The following SGCZ variants were observed in gnomAD, a reference collection of about 807,000 sequenced individuals.
SGCZ encodes the protein zeta-sarcoglycan.
In SGCZ, 40 loss-of-function variants were observed where a neutral mutation model predicts 41.3. The ratio of observed to expected loss-of-function variants is 0.97; its 90% CI spans 0.75 to 1.26. The LOEUF (loss-of-function observed/expected upper bound fraction) is 1.26. SGCZ is among the 50% of genes most tolerant of loss of function. SGCZ has a pLI of 0.00. For missense variants in SGCZ, 552 were observed against 369.8 expected (o/e 1.49, Z -4.04); for synonymous variants, 206 against 137.5 (o/e 1.50, Z -3.49).
chr8:14,291,025 T>G (rs1365057690), intron 3 of SGCZ, among the ~76,000 whole-genome samples: 1 of 152,116 alleles, frequency 6.6e-6, no homozygotes, highest in African/African-American at 2.4e-5. Flanking sequence ...AATGAAATCC[T>G]GTTGTTTGCA....
chr8:15,150,500 T>C (rs1056326367), intron 1 of SGCZ, among the ~76,000 whole-genome samples: 1 of 152,122 alleles, frequency 6.6e-6, no homozygotes, highest in Non-Finnish European at 1.5e-5. Flanking sequence ...CCAAACCTAA[T>C]TCCCCCTCCC....
chr8:15,186,048 C>A (rs1396190684), intron 1 of SGCZ, among the ~76,000 whole-genome samples: 1 of 148,836 alleles, frequency 6.7e-6, no homozygotes, highest in Non-Finnish European at 1.5e-5. Context: ...ACGGTGAAAC[C>A]CCGTCTTTAC....
intron 2 of SGCZ, among the ~76,000 whole-genome samples, chr8:14,551,497 ATTATATATATTATATATAT>A (rs1803827252): frequency 1.8e-4 from 1 of 5,644 alleles, no homozygotes; most frequent in African/African-American, 8.2e-4. Flanking sequence ...TATTATATAT[ATTATATATATTATATATAT>A]TATATATAAT....
intron 1 of SGCZ, among the ~76,000 whole-genome samples, chr8:15,005,340 T>G (rs58651841): frequency 6.7e-6 from 1 of 148,426 alleles, no homozygotes; most frequent in Non-Finnish European, 1.5e-5. Flanking sequence ...TTTTTTTTTT[T>G]TTTTTTTTGA....
intron 2 of SGCZ, among the ~76,000 whole-genome samples, chr8:14,334,756 C>A (rs1435975587): frequency 2.0e-5 from 3 of 152,192 alleles, no homozygotes; most frequent in Admixed American, 2.0e-4. Context: ...TCTGAACAAA[C>A]TATGGTTATT....
chr8:14,369,635 T>A (rs1014395356), intron 2 of SGCZ, among the ~76,000 whole-genome samples: 1 of 152,040 alleles, frequency 6.6e-6, no homozygotes, highest in Non-Finnish European at 1.5e-5. Flanking sequence ...TCAACAAACA[T>A]TAACAAACAT....
intron 1 of SGCZ, among the ~76,000 whole-genome samples, chr8:15,194,191 A>T (rs915934583): frequency 3.0e-4 from 38 of 128,414 alleles, no homozygotes; most frequent in African/African-American, 1.1e-3. Context: ...CTAATCACAC[A>T]CACACACACA....
intron 1 of SGCZ, among the ~76,000 whole-genome samples, chr8:14,556,962 C>G (rs920839916): frequency 6.6e-6 from 1 of 151,946 alleles, no homozygotes; most frequent in African/African-American, 2.4e-5. Flanking sequence ...AGTGGGATTG[C>G]TAGATCAAAT....
intron 1 of SGCZ, among the ~76,000 whole-genome samples, chr8:15,187,221 C>T (rs1049422261): frequency 1.3e-5 from 2 of 152,066 alleles, no homozygotes; most frequent in Non-Finnish European, 2.9e-5. Flanking sequence ...GCTCTATTCT[C>T]CCAACATTAT....
intron 5 of SGCZ, among the ~76,000 whole-genome samples, chr8:14,132,678 G>A (rs1803077925): frequency 6.6e-6 from 1 of 151,838 alleles, no homozygotes; most frequent in Admixed American, 6.6e-5. Flanking sequence ...ATTTCTTCAG[G>A]GTTGGTTTCT....
At chr8:14,977,301 A>G (rs1343128280) in intron 1 of SGCZ, among the ~76,000 whole-genome samples, 1 of 152,188 alleles carries the variant, frequency 6.6e-6, no homozygotes, top group Non-Finnish European at 1.5e-5. Flanking sequence ...CAGCATGGAG[A>G]ACAGAGCTTG....
intron 2 of SGCZ, among the ~76,000 whole-genome samples, chr8:14,537,167 T>C (rs1803321711): frequency 6.6e-6 from 1 of 151,888 alleles, no homozygotes; most frequent in South Asian, 2.1e-4. Flanking sequence ...AATAGAGTTA[T>C]CTCCTGCAGG....
chr8:14,449,112 C>T (rs1800517583), intron 2 of SGCZ, among the ~76,000 whole-genome samples: 1 of 152,182 alleles, frequency 6.6e-6, no homozygotes, highest in African/African-American at 2.4e-5. Flanking sequence ...GCAGCCCAGG[C>T]ATAGCAAAAC....
chr8:15,062,545 C>T (rs111969942), intron 1 of SGCZ, among the ~76,000 whole-genome samples: 4 of 152,036 alleles, frequency 2.6e-5, no homozygotes, highest in South Asian at 2.1e-4. Context: ...GTATCCATTA[C>T]GCACACACAG....
intron 1 of SGCZ, among the ~76,000 whole-genome samples, chr8:15,004,976 A>C (rs920466107): frequency 6.6e-6 from 1 of 152,098 alleles, no homozygotes; most frequent in Admixed American, 6.5e-5. Context: ...TATTTTTCTA[A>C]ATATTCTTCC....
At chr8:14,443,317 G>T (rs561532319) in intron 2 of SGCZ, among the ~76,000 whole-genome samples, 41 of 152,158 alleles carry the variant, frequency 2.7e-4, no homozygotes, top group Non-Finnish European at 4.3e-4. Flanking sequence ...CGACTTTAAA[G>T]TTCATATGGA....
chr8:14,324,033 C>T, intron 3 of SGCZ, 70 bp downstream of exon 3: 1 of 1,010,614 alleles, frequency 9.9e-7, no homozygotes, highest in East Asian at 2.5e-5. Flanking sequence ...GGGATTCTAC[C>T]CTGCTATTTC....
At chr8:15,014,016 C>T (rs1214774644) in intron 1 of SGCZ, among the ~76,000 whole-genome samples, 4 of 152,230 alleles carry the variant, frequency 2.6e-5, no homozygotes, top group African/African-American at 4.8e-5. Flanking sequence ...CAATCCCAAA[C>T]GGGTGAAAAT....
At chr8:14,669,207 A>ATATG (rs1808016139) in intron 1 of SGCZ, among the ~76,000 whole-genome samples, 1 of 150,370 alleles carries the variant, frequency 6.7e-6, no homozygotes, top group Non-Finnish European at 1.5e-5. Context: ...ATATATATAT[A>ATATG]TATAGCTGGG....
Sources: allele counts gnomAD v4.1 joint callset (sites outside exome capture counted in the v4.1 genomes callset), GRCh38; gene constraint gnomAD v4.1.1; transcripts MANE v1.5; gene names NCBI Gene and HGNC (gene_info 2026-07-23, HGNC 2026-07-21).